Variants in DIP2B observed in about 807,000 individuals in gnomAD.
DIP2B encodes the protein DIP2 acetate--CoA ligase B (putative).
DIP2B carries 76 observed loss-of-function variants against 198.0 expected under a neutral mutation model. That is an observed-to-expected ratio of 0.38 (90% CI 0.32 to 0.46). The LOEUF is 0.46. DIP2B is among the 20% of genes least tolerant of loss of function. The pLI is 0.99. For missense variants in DIP2B, 1,559 were observed against 1,978.4 expected, an observed-to-expected ratio of 0.79 and a Z score of 4.02; for synonymous variants, 701 against 739.1, an observed-to-expected ratio of 0.95 and a Z score of 0.84.
At chr12:50,708,132 CA>C (rs1939548277) in intron 21 of DIP2B, among the ~76,000 whole-genome samples, 1 of 151,928 alleles carries the variant, frequency 6.6e-6, no homozygotes, top group East Asian at 1.9e-4. Flanking sequence ...CACACCACTC[CA>C]CCCCCTGTAT....
Position 50,625,986 on chromosome 12 carries a change from C to A in DIP2B, c.111C>A (p.Thr37=). ...LELELSEGDI[T]QKGYEKKRSK... ...TTCTTGCTATTTTAGGGGACATCAC[C>A]CAGAAGGGCTATGAAAAGAAAAGGT... is the stretch of plus-strand genomic sequence containing the variant. The change falls in exon 2 of 38, where the codon ACC becomes ACA. Residue 37 remains threonine (T), a synonymous_variant. Transcript: ENST00000301180. 6.2e-7 allele frequency: 1 copy of A among 1,613,982 alleles called. No homozygotes were observed. The highest frequency in any genetic ancestry group is 8.5e-7 in the Non-Finnish European group (1 of 1,179,968).
intron 4 of DIP2B, among the ~76,000 whole-genome samples, chr12:50,667,212 G>T (rs936665464): frequency 1.3e-5 from 2 of 152,178 alleles, no homozygotes; most frequent in Non-Finnish European, 2.9e-5. Flanking sequence ...GTTATAGATG[G>T]ATTGTAGGCT....
rs1327887113 is a variant in DIP2B, at chr12:50,581,048, CTA to C, written c.101-44926_101-44925del. Among the ~76,000 whole-genome samples the C allele has an allele frequency of 4.0e-5, 6 of 149,246 alleles. 1 individual carries two copies. Among genetic ancestry groups the C allele is most frequent in the Non-Finnish European group, 7.4e-5 (5 of 67,876 alleles). On this transcript the variant is annotated intron_variant, in intron 1 of 37. Coordinates refer to ENST00000301180, the MANE Select transcript of DIP2B (RefSeq NM_173602.3). ...GAATTGTGGTTTTATTTTGGAGAAA[CTA>C]TTTTGTGTTCGGAATAACTAAATAC...
At position 50,721,261 on chromosome 12, in the gene DIP2B, T is replaced by C. The variant is rs914337913; in HGVS notation, c.3043-12T>C. 57 of 1,612,860 alleles carry C rather than the reference T, an allele frequency of 3.5e-5. No individual in the cohort carries two copies. Among genetic ancestry groups the C allele is most frequent in the Non-Finnish European group, 4.8e-5 (57 of 1,179,418 alleles). On this transcript the variant is annotated splice_polypyrimidine_tract_variant and intron_variant, in intron 25 of 37. Transcript: ENST00000301180. Reference sequence around the variant, plus strand: ...TGAGCTTTGACCCGCTTATCCTTTCTGTTGTTTAAAGGGAACCACTGTATG... The same window carrying C: ...TGAGCTTTGACCCGCTTATCCTTTCCGTTGTTTAAAGGGAACCACTGTATG...
chr12:50,726,865 C>T (rs1177506369), intron 28 of DIP2B, among the ~76,000 whole-genome samples: 1 of 152,058 alleles, frequency 6.6e-6, no homozygotes, highest in Non-Finnish European at 1.5e-5. Flanking sequence ...GTAATGCCAG[C>T]ACTCTGAGAG....
intron 1 of DIP2B, among the ~76,000 whole-genome samples, chr12:50,530,139 C>T (rs537202747): frequency 3.9e-5 from 6 of 152,134 alleles, no homozygotes; most frequent in Non-Finnish European, 7.4e-5. Flanking sequence ...TGCGGTGGCG[C>T]GATCTCGGCT....
chr12:50,562,176 G>T (rs1157123661), intron 1 of DIP2B, among the ~76,000 whole-genome samples: 1 of 152,168 alleles, frequency 6.6e-6, no homozygotes, highest in African/African-American at 2.4e-5. Context: ...GGAGAAGAAG[G>T]GCGGTAGAGA....
At chr12:50,600,922 CACCACCACCACCACCACT>C (rs1408976048) in intron 1 of DIP2B, among the ~76,000 whole-genome samples, 1,744 of 149,030 alleles carry the variant, frequency 0.012, 42 homozygotes, top group African/African-American at 0.041. Context: ...CCACCACCAC[CACCACCACCACCACCACT>C]ACCACCACCA....
chr12:50,635,527 G>A (rs1013159442), intron 2 of DIP2B, among the ~76,000 whole-genome samples: 9 of 152,144 alleles, frequency 5.9e-5, no homozygotes, highest in Non-Finnish European at 7.3e-5. Context: ...GGCAGTCCCC[G>A]GTGTTCCAGT....
chr12:50,549,170 T>TAAAAA (rs780278216), intron 1 of DIP2B, among the ~76,000 whole-genome samples: 3 of 137,516 alleles, frequency 2.2e-5, no homozygotes, highest in East Asian at 4.2e-4. Flanking sequence ...GGGGCTGGTT[T>TAAAAA]AAAAAAAAAA....
chr12:50,692,598 G>A (rs1939240778), intron 13 of DIP2B, among the ~76,000 whole-genome samples: 1 of 152,162 alleles, frequency 6.6e-6, no homozygotes, highest in South Asian at 2.1e-4. Flanking sequence ...AGCACATTGG[G>A]AGGCCGAGGC....
intron 31 of DIP2B, among the ~76,000 whole-genome samples, chr12:50,731,957 AAGTC>A (rs1348686053): frequency 1.3e-5 from 2 of 152,218 alleles, no homozygotes; most frequent in African/African-American, 4.8e-5. Context: ...GCAGATGAGA[AAGTC>A]AGAAGATACT....
chr12:50,550,990 G>A (rs955476120), intron 1 of DIP2B, among the ~76,000 whole-genome samples: 2 of 151,972 alleles, frequency 1.3e-5, no homozygotes, highest in African/African-American at 4.8e-5. Context: ...TTGAGAGGCT[G>A]AGGTGGAAGA....
chr12:50,653,341 C>CTTTTTTTTTTTTTTT (rs1323702401), intron 3 of DIP2B, among the ~76,000 whole-genome samples: 6 of 70,134 alleles, frequency 8.6e-5, no homozygotes, highest in Non-Finnish European at 1.5e-4. Context: ...TTTTTTTTTT[C>CTTTTTTTTTTTTTTT]TTTTCTTTTT....
chr12:50,681,385 A>G (rs942758516), intron 9 of DIP2B, among the ~76,000 whole-genome samples: 2 of 152,244 alleles, frequency 1.3e-5, no homozygotes, highest in Non-Finnish European at 2.9e-5. Flanking sequence ...GCAGTGAGCC[A>G]TGATCTTGCC....
chr12:50,699,050 A>G lies in DIP2B; in HGVS notation c.2189-16A>G, dbSNP rs1325875766. ...CTAGAATCTTTGTCCTTTAACCTGT[A>G]TTTTCTGTACGTTAGGGATGATGTG... On this transcript the variant is annotated splice_polypyrimidine_tract_variant and intron_variant, in intron 18 of 37. Coordinates refer to ENST00000301180, the MANE Select transcript of DIP2B (RefSeq NM_173602.3). 2 of 1,612,860 alleles carry G rather than the reference A, an allele frequency of 1.2e-6. No homozygotes were observed. The highest frequency in any genetic ancestry group is 1.7e-6 in the Non-Finnish European group (2 of 1,179,624).
At chr12:50,626,835 C>T (rs1937946032) in intron 2 of DIP2B, among the ~76,000 whole-genome samples, 1 of 145,690 alleles carries the variant, frequency 6.9e-6, no homozygotes, top group South Asian at 2.2e-4. Context: ...TCCCACAGTT[C>T]TCATAGTAAG....
At chr12:50,685,178 A>G (rs527969841) in intron 10 of DIP2B, among the ~76,000 whole-genome samples, 1 of 152,338 alleles carries the variant, frequency 6.6e-6, no homozygotes, top group East Asian at 1.9e-4. Context: ...GGGATGTAGT[A>G]TCCTTCATTT....
intron 1 of DIP2B, among the ~76,000 whole-genome samples, chr12:50,510,303 T>TA (rs1958002909): frequency 6.6e-6 from 1 of 152,246 alleles, no homozygotes; most frequent in Non-Finnish European, 1.5e-5. Context: ...AGAGTAGCTT[T>TA]TATGGATACC....
Sources: gnomAD v4.1 joint callset for allele counts (sites outside exome capture counted in the v4.1 genomes callset) on GRCh38, gnomAD v4.1.1 for gene constraint, MANE v1.5 for transcripts, NCBI Gene and HGNC (gene_info 2026-07-23, HGNC 2026-07-21) for gene names.